Variants in DPYD observed in about 807,000 individuals in gnomAD.
DPYD encodes dihydropyrimidine dehydrogenase, also known as dihydropyrimidine dehydrogenase [NADP(+)].
A neutral mutation model predicts 116.2 loss-of-function variants in DPYD; 109 were observed. The ratio of observed to expected loss-of-function variants is 0.94; its 90% CI spans 0.80 to 1.10. DPYD has a LOEUF of 1.10. Among genes scored for constraint, DPYD ranks in the 50% least tolerant of loss-of-function variants. The probability of loss-of-function intolerance (pLI) is 0.00; values close to 1 mark genes in which losing one functional copy is unlikely to be tolerated. For synonymous variants in DPYD, 440 were observed against 432.0 expected (o/e 1.02, Z -0.23); for missense variants, 1,302 against 1,254.5 (o/e 1.04, Z -0.57).
At position 97,306,234 on chromosome 1, in the gene DPYD, C is replaced by CA. The variant is rs1475611014; in HGVS notation, c.2121dup (p.Ala708CysfsTer9). ...TCAGTGACATTTGGGGTCAGCTTGG[C>CA]AAAAAAAGGAATCTGAACAGCTTGC... On this transcript the variant is annotated frameshift_variant, in exon 17 of 23. Coordinates refer to ENST00000370192, the MANE Select transcript of DPYD (RefSeq NM_000110.4). LOFTEE classifies it high-confidence loss of function. The CA allele has an allele frequency of 6.2e-7, 1 of 1,612,296 alleles. No homozygotes were observed. The highest frequency in any genetic ancestry group is 2.2e-5 in the East Asian group (1 of 44,794).
At chr1:97,385,324 A>T (rs2101579391) in intron 14 of DPYD, among the ~76,000 whole-genome samples, 1 of 134,852 alleles carries the variant, frequency 7.4e-6, no homozygotes, top group Admixed American at 7.5e-5. Flanking sequence ...AAAAAGAGAG[A>T]GAGAGATTAA....
At chr1:97,378,649 G>T (rs371640794) in intron 15 of DPYD, among the ~76,000 whole-genome samples, 2 of 152,110 alleles carry the variant, frequency 1.3e-5, no homozygotes, top group African/African-American at 2.4e-5. Context: ...TTCTGTAATG[G>T]CTTCCTTTTT....
intron 14 of DPYD, among the ~76,000 whole-genome samples, chr1:97,426,670 C>T (rs945681442): frequency 6.6e-6 from 1 of 151,924 alleles, no homozygotes; most frequent in South Asian, 2.1e-4. Flanking sequence ...CTAGTGACTT[C>T]TATTTGAGAG....
intron 14 of DPYD, among the ~76,000 whole-genome samples, chr1:97,443,950 C>G (rs906411860): frequency 6.6e-6 from 1 of 152,170 alleles, no homozygotes; most frequent in Non-Finnish European, 1.5e-5. Context: ...TGCAGGACAC[C>G]TAAATTTGAC....
At chr1:97,082,190 A>C in intron 22 of DPYD, 140 bp downstream of exon 22, 1 of 1,027,888 alleles carries the variant, frequency 9.7e-7, no homozygotes, top group Admixed American at 1.7e-5. Flanking sequence ...GGGTGACAGG[A>C]CAGAAAGATG....
chr1:97,835,581 A>G (rs1337278843), intron 2 of DPYD, among the ~76,000 whole-genome samples: 1 of 152,096 alleles, frequency 6.6e-6, no homozygotes, highest in East Asian at 1.9e-4. Context: ...TCCTATATCT[A>G]TGAGAGGTCA....
intron 13 of DPYD, among the ~76,000 whole-genome samples, chr1:97,465,860 C>T (rs1677293153): frequency 1.3e-5 from 2 of 152,182 alleles, no homozygotes; most frequent in South Asian, 2.1e-4. Flanking sequence ...TGGGCAGGCT[C>T]TTAACCTCAC....
At chr1:97,653,793 T>C (rs932162808) in intron 8 of DPYD, among the ~76,000 whole-genome samples, 3 of 152,146 alleles carry the variant, frequency 2.0e-5, no homozygotes, top group African/African-American at 7.2e-5. Context: ...AAATGAGTAA[T>C]AACGATAAAA....
rs115811470 is a variant in DPYD at position 97,301,828 on chromosome 1, G to C, written c.2299+3431C>G. Among the ~76,000 whole-genome samples, 1,052 of 151,902 alleles carry C rather than the reference G, an allele frequency of 6.9e-3. 21 individuals are homozygous for C. Among genetic ancestry groups the C allele is most frequent in the African/African-American group, 0.024 (990 of 41,466 alleles). Reference sequence around the variant, plus strand: ...ATGTGAAAATGTCACACCACAGCTGGATAACACCATTTATATAGGTGATAG... The same window carrying C: ...ATGTGAAAATGTCACACCACAGCTGCATAACACCATTTATATAGGTGATAG... On this transcript the variant is annotated intron_variant, in intron 18 of 22. Transcript: ENST00000370192.
intron 19 of DPYD, among the ~76,000 whole-genome samples, chr1:97,198,919 G>A (rs1659008813): frequency 6.6e-6 from 1 of 152,100 alleles, no homozygotes; most frequent in South Asian, 2.1e-4. Context: ...CCCCCGTGCA[G>A]CGTGATTTGA....
At chr1:97,145,880 T>C (rs763681293) in intron 20 of DPYD, among the ~76,000 whole-genome samples, 1 of 151,624 alleles carries the variant, frequency 6.6e-6, no homozygotes, top group Non-Finnish European at 1.5e-5. Flanking sequence ...GGAGTTAACA[T>C]GAATACATTG....
intron 19 of DPYD, among the ~76,000 whole-genome samples, chr1:97,226,088 A>G (rs1329229802): frequency 6.6e-6 from 1 of 152,160 alleles, no homozygotes; most frequent in Admixed American, 6.5e-5. Flanking sequence ...GATTAAACCT[A>G]TGCAAACCAA....
chr1:97,088,749 A>G (rs1649697530), intron 21 of DPYD, among the ~76,000 whole-genome samples: 1 of 152,134 alleles, frequency 6.6e-6, no homozygotes, highest in Non-Finnish European at 1.5e-5. Flanking sequence ...TTTCCATGCC[A>G]TAATCTGGTC....
At chr1:97,350,274 C>T (rs1480996781) in intron 16 of DPYD, among the ~76,000 whole-genome samples, 1 of 152,074 alleles carries the variant, frequency 6.6e-6, no homozygotes, top group East Asian at 1.9e-4. Context: ...AAACCATAGG[C>T]TTTTGTCCAA....
chr1:97,352,201 A>G (rs531883044), intron 16 of DPYD, among the ~76,000 whole-genome samples: 36 of 152,252 alleles, frequency 2.4e-4, no homozygotes, highest in African/African-American at 8.2e-4. Flanking sequence ...GAGGTCAGAC[A>G]ACAAGTGCCA....
chr1:97,911,706 C>A (rs999184677), intron 1 of DPYD, among the ~76,000 whole-genome samples: 7 of 151,982 alleles, frequency 4.6e-5, no homozygotes, highest in Admixed American at 4.6e-4. Context: ...ATCTGGTCTG[C>A]CAGAGTGGTT....
intron 8 of DPYD, among the ~76,000 whole-genome samples, chr1:97,628,980 C>T (rs571416595): frequency 6.6e-6 from 1 of 152,090 alleles, no homozygotes; most frequent in African/African-American, 2.4e-5. Flanking sequence ...AATGATGGGG[C>T]TTTAGGGATA....
chr1:97,212,258 G>A (rs1266436129), intron 19 of DPYD, among the ~76,000 whole-genome samples: 7 of 152,068 alleles, frequency 4.6e-5, no homozygotes, highest in South Asian at 2.1e-4. Flanking sequence ...CTACTGATTC[G>A]TTGTCCTCAT....
intron 20 of DPYD, among the ~76,000 whole-genome samples, chr1:97,130,923 T>TCTCTCTC (rs1557881144): frequency 7.6e-6 from 1 of 132,434 alleles, no homozygotes; most frequent in African/African-American, 2.8e-5. Context: ...CCCTCCCTCT[T>TCTCTCTC]TCTCTCTCTC....
Sources: allele counts gnomAD v4.1 joint callset (sites outside exome capture counted in the v4.1 genomes callset), GRCh38; gene constraint gnomAD v4.1.1; transcripts MANE v1.5; gene names NCBI Gene and HGNC (gene_info 2026-07-23, HGNC 2026-07-21).